Variants in OSBPL3 observed in about 807,000 individuals in gnomAD.
The protein encoded by OSBPL3 is oxysterol binding protein like 3, also known as oxysterol-binding protein-related protein 3.
Under a neutral mutation model 120.1 loss-of-function variants are expected in OSBPL3, and 65 were observed. That is an observed-to-expected ratio of 0.54 (90% confidence interval 0.44 to 0.67). The LOEUF (loss-of-function observed/expected upper bound fraction) is 0.67, where lower values mean the gene tolerates loss of function less well. OSBPL3 is among the 30% of genes least tolerant of loss of function. The pLI is 0.00. For missense variants in OSBPL3, 1,004 were observed against 1,082.1 expected (o/e 0.93, Z 1.01); for synonymous variants, 416 against 402.6 (o/e 1.03, Z -0.40).
chr7:24,858,166 T>C (rs558497527), intron 10 of OSBPL3, among the ~76,000 whole-genome samples: 1 of 152,336 alleles, frequency 6.6e-6, no homozygotes, highest in African/African-American at 2.4e-5. Flanking sequence ...AGCATGGGTG[T>C]ATTTTGGTTC....
Position 24,824,792 on chromosome 7 carries a change from C to A in OSBPL3, c.1885-4554G>T, listed in dbSNP as rs1020271764. ...AAAGCAGGGCATGAGGATGTGGGGACAGTGAGTAGGAGTGCTGGTCAGACA... is the reference window on the plus strand; with the variant it reads ...AAAGCAGGGCATGAGGATGTGGGGAAAGTGAGTAGGAGTGCTGGTCAGACA... On this transcript the variant is annotated intron_variant, in intron 16 of 22. Transcript: ENST00000313367. The surrounding 1 kb of genome is among the most constrained non-coding windows in gnomAD (Gnocchi z 4.9). 1.3e-5 allele frequency among the ~76,000 whole-genome samples: 2 copies of A among 152,138 alleles called. No homozygotes were observed. The highest frequency in any genetic ancestry group is 2.4e-5 in the African/African-American group (1 of 41,426).
At position 24,849,933 on chromosome 7, in the gene OSBPL3, G is replaced by A. The variant is rs79927138; in HGVS notation, c.1159-757C>T. Among the ~76,000 whole-genome samples, 4,379 of 147,526 alleles carry A rather than the reference G, an allele frequency of 0.03. 137 individuals are homozygous for A. The highest frequency in any genetic ancestry group is 0.13 in the East Asian group (656 of 5,046). On this transcript the variant is annotated intron_variant, in intron 11 of 22. Transcript: ENST00000313367. The surrounding 1 kb of genome is among the most constrained non-coding windows in gnomAD (Gnocchi z 5.4). ...GAGATTGCGGCCTGGGTGAGAGTGA[G>A]ACCCTGTCTCACGAAAAAAAAAAAA...
chr7:24,973,438 C>G (rs78671267), intron 1 of OSBPL3, among the ~76,000 whole-genome samples: 3,008 of 152,234 alleles, frequency 0.02, 83 homozygotes, highest in African/African-American at 0.069. Flanking sequence ...TATTCTGGCT[C>G]TCAAACAACA....
In OSBPL3 at chr7:24,938,875, A is replaced by G. The variant is rs879582223; in HGVS notation, c.-150+41011T>C. Among the ~76,000 whole-genome samples, 23 of 151,184 alleles carry G rather than the reference A, an allele frequency of 1.5e-4. No homozygotes were observed. The highest frequency in any genetic ancestry group is 3.4e-4 in the Non-Finnish European group (23 of 67,872). On this transcript the variant is annotated intron_variant, in intron 1 of 22. Transcript: ENST00000313367. The surrounding 1 kb of genome is among the most constrained non-coding windows in gnomAD (Gnocchi z 5.8). Reference sequence around the variant, plus strand: ...AATGTGGCCAAGAAAGAAAAAAAAAAAAGATTGTTATTAAGGAAAAAGTAT... The same window carrying G: ...AATGTGGCCAAGAAAGAAAAAAAAAGAAGATTGTTATTAAGGAAAAAGTAT...
At chr7:24,814,430 T>C (rs1011356712) in intron 19 of OSBPL3, among the ~76,000 whole-genome samples, 2 of 151,852 alleles carry the variant, frequency 1.3e-5, no homozygotes, top group African/African-American at 4.8e-5. Context: ...TTGGGGGATT[T>C]TGCTCAAAGG....
rs551609829 is a variant in OSBPL3 at position 24,806,623 on chromosome 7, C to T, written c.2444+153G>A. Among the ~76,000 whole-genome samples the T allele has an allele frequency of 3.3e-5, 5 of 152,286 alleles. No individual in the cohort carries two copies. Among genetic ancestry groups the T allele is most frequent in the South Asian group, 2.1e-4 (1 of 4,816 alleles). ...GATCCTAGTTGGGCCCCATCTCCTC[C>T]GTGATACAATTGTTTAAAGCATCCC... On this transcript the variant is annotated intron_variant, in intron 21 of 22. Coordinates refer to ENST00000313367, the MANE Select transcript of OSBPL3 (RefSeq NM_015550.4). The surrounding 1 kb of genome is among the most constrained non-coding windows in gnomAD (Gnocchi z 5.2).
chr7:24,980,581 G>C (rs922732072), upstream of OSBPL3, among the ~76,000 whole-genome samples: 16 of 152,148 alleles, frequency 1.1e-4, no homozygotes, highest in African/African-American at 3.9e-4. Flanking sequence ...CAGGTTTACG[G>C]AGAAGGCTCC....
chr7:24,901,649 T>A (rs757325767), intron 1 of OSBPL3, among the ~76,000 whole-genome samples: 2 of 152,176 alleles, frequency 1.3e-5, no homozygotes, highest in Non-Finnish European at 2.9e-5. Flanking sequence ...ACAGACCCTA[T>A]CCTAGATCTA....
Position 24,809,820 on chromosome 7 carries a change from A to G in OSBPL3, c.2304T>C (p.Cys768=), listed in dbSNP as rs372254047. The change falls in exon 20 of 23, where the codon TGT becomes TGC. Residue 768 remains cysteine (C), a synonymous_variant. Coordinates refer to ENST00000313367, the MANE Select transcript of OSBPL3 (RefSeq NM_015550.4). The part of the protein sequence containing the change: ...IYCGGGSSSA[C]VWRANPMPKG... ...CCAGACACTCACTTGCTCTCCATAC[A>G]CAGGCAGAAGAGGAGCCGCCGCCAC... 18 of 1,614,078 alleles carry G rather than the reference A, an allele frequency of 1.1e-5. No individual in the cohort carries two copies. In the East Asian group the frequency reaches 2.0e-4, roughly 18 times the overall value.
At chr7:24,970,104 C>CTTTTTTTTTT (rs10540160) in intron 1 of OSBPL3, among the ~76,000 whole-genome samples, 1 of 83,014 alleles carries the variant, frequency 1.2e-5, no homozygotes, top group Non-Finnish European at 2.1e-5. Context: ...TCGTCCCTTT[C>CTTTTTTTTTT]TTTTTTTTTT....
At position 24,852,553 on chromosome 7, in the gene OSBPL3, G is replaced by A. The variant is rs1288971342; in HGVS notation, c.1109C>T (p.Ser370Phe). ...AATGACCTGAGCAGACGGGGAGGAG[G>A]AGGCATCCTGCTCCATCAGCTGCTT... ...KLKQLMEQDA[S>F]SSPSAQVIGL... is the part of the protein sequence containing the mutation. Residue 370 changes from serine to phenylalanine, a missense_variant, in exon 11 of 23, where the codon TCC (serine) becomes TTC (phenylalanine). By Grantham distance (155) the Ser-to-Phe change is radical. This residue lies in a region of OSBPL3 where 272 missense variants were observed against 248.8 expected (regional missense o/e 1.09). Transcript: ENST00000313367. This position sits in a 1 kb window ranked among gnomAD's most constrained non-coding sequence, Gnocchi z 4.1. The A allele has an allele frequency of 3.7e-6, 6 of 1,608,178 alleles. No homozygotes were observed. Among genetic ancestry groups the A allele is most frequent in the Non-Finnish European group, 5.1e-6 (6 of 1,178,658 alleles).
rs959226770 is a variant in OSBPL3 at position 24,955,275 on chromosome 7, G to A, written c.-150+24611C>T. Among the ~76,000 whole-genome samples the A allele has an allele frequency of 6.6e-6, 1 of 152,194 alleles. No individual in the cohort carries two copies. Among genetic ancestry groups the A allele is most frequent in the African/African-American group, 2.4e-5 (1 of 41,440 alleles). On this transcript the variant is annotated intron_variant, in intron 1 of 22. Transcript: ENST00000313367. This position sits in a 1 kb window ranked among gnomAD's most constrained non-coding sequence, Gnocchi z 4.3. ...TTACCAGTTAATTCCCCACCAACAA[G>A]GAAGAAAGCAAACTTTTCCCATAAT...
At chr7:24,906,310 T>C (rs1434668106) in intron 1 of OSBPL3, 2 of 245,618 alleles carry the variant, frequency 8.1e-6, no homozygotes, top group South Asian at 4.3e-5. Context: ...TGGCCACTTA[T>C]AGGAGGTGCA....
In OSBPL3 at chr7:24,833,931, C is replaced by A. The variant is rs781397069; in HGVS notation, c.1746+555G>T. On this transcript the variant is annotated intron_variant, in intron 15 of 22. Coordinates refer to ENST00000313367, the MANE Select transcript of OSBPL3 (RefSeq NM_015550.4). This position sits in a 1 kb window ranked among gnomAD's most constrained non-coding sequence, Gnocchi z 4.4. ...CAGTAGGGAAGAGAAGGCTTTTCTA[C>A]GATTTTTTTTAAGTACTCTATAAAA... is the stretch of plus-strand genomic sequence containing the variant. Among the ~76,000 whole-genome samples the A allele has an allele frequency of 1.3e-5, 2 of 151,878 alleles. No individual in the cohort carries two copies. Among genetic ancestry groups the A allele is most frequent in the South Asian group, 4.2e-4 (2 of 4,810 alleles).
intron 1 of OSBPL3, among the ~76,000 whole-genome samples, chr7:24,911,071 G>C (rs529768625): frequency 6.6e-6 from 1 of 152,336 alleles, no homozygotes; most frequent in East Asian, 1.9e-4. Flanking sequence ...ATCCAGAAAT[G>C]ACAGATTTAC....
intron 1 of OSBPL3, among the ~76,000 whole-genome samples, chr7:24,901,829 T>C (rs1181642275): frequency 6.6e-6 from 1 of 152,236 alleles, no homozygotes; most frequent in Non-Finnish European, 1.5e-5. Flanking sequence ...CATCTGATAA[T>C]GGAACTACCC....
chr7:24,848,034 G>A (rs1245134230), intron 12 of OSBPL3, among the ~76,000 whole-genome samples: 2 of 152,178 alleles, frequency 1.3e-5, no homozygotes, highest in African/African-American at 2.4e-5. Flanking sequence ...CAGAGGGTGA[G>A]GCTCATGGGA....
rs370263623 is a variant in OSBPL3, at chr7:24,917,691, C to T, written c.-149-25070G>A. Reference sequence around the variant, plus strand: ...GGCATTACCCTGAACCATAACTATGCAAAATATGCCCTGGCAAGTACTAGT... The same window carrying T: ...GGCATTACCCTGAACCATAACTATGTAAAATATGCCCTGGCAAGTACTAGT... On this transcript the variant is annotated intron_variant, in intron 1 of 22. Transcript: ENST00000313367. Among the ~76,000 whole-genome samples the T allele has an allele frequency of 1.1e-4, 16 of 151,952 alleles. 1 individual carries two copies. The highest frequency in any genetic ancestry group is 4.6e-4 in the Admixed American group (7 of 15,260).
Position 24,863,577 on chromosome 7 carries a change from G to A in OSBPL3, c.696C>T (p.Tyr232=), listed in dbSNP as rs1325857107. Residue 232 remains tyrosine (Y), a synonymous_variant, in exon 8 of 23, where the codon TAC becomes TAT. Transcript: ENST00000313367. This position sits in a 1 kb window ranked among gnomAD's most constrained non-coding sequence, Gnocchi z 5.8. ...GCAGGAGCTGGCTCATTTCTACCAG[G>A]TAGGCATGACAGTGCGCCAGGTCTG... ...CSKDLAHCHA[Y]LVEMSQLLQS... 3 of 1,613,950 alleles carry A rather than the reference G, an allele frequency of 1.9e-6. No individual in the cohort carries two copies. The highest frequency in any genetic ancestry group is 1.7e-6 in the Non-Finnish European group (2 of 1,179,792).
Sources: gnomAD v4.1 joint callset for allele counts (sites outside exome capture counted in the v4.1 genomes callset) on GRCh38, gnomAD v4.1.1 for gene constraint, gnomAD v4.1.1 regional missense constraint, Gnocchi (gnomAD v3.1) non-coding constraint, MANE v1.5 for transcripts, NCBI Gene and HGNC (gene_info 2026-07-23, HGNC 2026-07-21) for gene names.